The following GRIK2 variants were observed in gnomAD, a reference collection of about 807,000 sequenced individuals.
GRIK2 encodes glutamate receptor ionotropic, kainate 2.
GRIK2 carries 32 observed loss-of-function variants against 100.3 expected under a neutral mutation model. That is an observed-to-expected ratio of 0.32 (90% CI 0.24 to 0.43). The LOEUF (loss-of-function observed/expected upper bound fraction) is 0.43. GRIK2 is among the 20% of genes least tolerant of loss of function. GRIK2 has a pLI of 1.00. For synonymous variants in GRIK2, 417 were observed against 389.4 expected (o/e 1.07, Z -0.83); for missense variants, 843 against 1,114.9 (o/e 0.76, Z 3.47).
intron 7 of GRIK2, among the ~76,000 whole-genome samples, chr6:101,760,879 C>A (rs1200921656): frequency 1.3e-5 from 2 of 150,530 alleles, no homozygotes; most frequent in Admixed American, 6.7e-5. Context: ...ATTAATTTTT[C>A]ATCTCTTGAC....
At chr6:101,898,122 T>A (rs878885589) in intron 12 of GRIK2, among the ~76,000 whole-genome samples, 2 of 151,906 alleles carry the variant, frequency 1.3e-5, no homozygotes, top group Admixed American at 6.6e-5. Flanking sequence ...TTTTATGATA[T>A]GATTTAAGGA....
At chr6:102,049,087 TC>T (rs1771044726) in intron 15 of GRIK2, among the ~76,000 whole-genome samples, 1 of 152,150 alleles carries the variant, frequency 6.6e-6, no homozygotes, top group Admixed American at 6.5e-5. Flanking sequence ...ATAACTCTTG[TC>T]CCACAAAATT....
intron 5 of GRIK2, among the ~76,000 whole-genome samples, chr6:101,678,867 A>G (rs1771036587): frequency 6.6e-6 from 1 of 152,174 alleles, no homozygotes. Context: ...ATTTAAACTG[A>G]TTGAGCTTTT....
intron 10 of GRIK2, among the ~76,000 whole-genome samples, chr6:101,836,437 G>A (rs915756912): frequency 4.0e-5 from 6 of 150,852 alleles, no homozygotes; most frequent in Non-Finnish European, 7.4e-5. Flanking sequence ...ATTTAAAAAC[G>A]TAAAATATCT....
At chr6:101,878,107 A>G (rs1416453230) in intron 11 of GRIK2, among the ~76,000 whole-genome samples, 1 of 146,644 alleles carries the variant, frequency 6.8e-6, no homozygotes, top group Non-Finnish European at 1.5e-5. Context: ...ATATTATATT[A>G]TATTATATTA....
intron 2 of GRIK2, among the ~76,000 whole-genome samples, chr6:101,538,436 TAA>T (rs1775824914): frequency 1.3e-5 from 2 of 151,846 alleles, no homozygotes; most frequent in African/African-American, 2.4e-5. Flanking sequence ...TACAAATAAG[TAA>T]AGTTTTAATT....
At chr6:101,596,372 G>A (rs148498805) in intron 2 of GRIK2, among the ~76,000 whole-genome samples, 1 of 151,536 alleles carries the variant, frequency 6.6e-6, no homozygotes, top group South Asian at 2.1e-4. Flanking sequence ...CTTCTAAGAA[G>A]TATCAGTTGT....
At chr6:101,940,449 A>T (rs1341342555) in intron 14 of GRIK2, among the ~76,000 whole-genome samples, 1 of 152,128 alleles carries the variant, frequency 6.6e-6, no homozygotes, top group Non-Finnish European at 1.5e-5. Flanking sequence ...AATAGTGGCT[A>T]ACCTGTTCCC....
chr6:101,889,292 TTAAAA>T (rs1257204956), intron 11 of GRIK2, among the ~76,000 whole-genome samples: 3 of 151,958 alleles, frequency 2.0e-5, no homozygotes, highest in East Asian at 1.9e-4. Flanking sequence ...TTTTTAAAGT[TTAAAA>T]TAAAAGCAAT....
intron 7 of GRIK2, among the ~76,000 whole-genome samples, chr6:101,795,535 G>T (rs1174439486): frequency 2.6e-5 from 4 of 152,228 alleles, no homozygotes; most frequent in African/African-American, 9.6e-5. Flanking sequence ...CTTCGGTTCA[G>T]TAGTGGCAGC....
chr6:101,764,332 T>C (rs1004931383), intron 7 of GRIK2, among the ~76,000 whole-genome samples: 2 of 152,122 alleles, frequency 1.3e-5, no homozygotes, highest in African/African-American at 4.8e-5. Flanking sequence ...CCGTGACATC[T>C]TCCTGAAACC....
At chr6:101,963,068 T>A (rs1792404925) in intron 14 of GRIK2, among the ~76,000 whole-genome samples, 1 of 151,246 alleles carries the variant, frequency 6.6e-6, no homozygotes, top group Non-Finnish European at 1.5e-5. Flanking sequence ...ATTGATATAG[T>A]TAAATTTACA....
intron 2 of GRIK2, among the ~76,000 whole-genome samples, chr6:101,603,795 A>G (rs1433441636): frequency 1.3e-5 from 2 of 151,808 alleles, no homozygotes; most frequent in East Asian, 3.9e-4. Context: ...ATATTTCATT[A>G]AAGAAGAGGC....
At position 101,926,210 on chromosome 6, in the gene GRIK2, T is replaced by G. The variant is rs868723608; in HGVS notation, c.1867+1491T>G. Among the ~76,000 whole-genome samples, 25 of 149,660 alleles carry G rather than the reference T, an allele frequency of 1.7e-4. No individual in the cohort carries two copies. In the Middle Eastern group the frequency reaches 0.014, roughly 83 times the overall value. On this transcript the variant is annotated intron_variant, in intron 13 of 16. Transcript: ENST00000369134. The stretch of plus-strand genomic sequence containing the variant: ...GGGTCCAAGGGTTTTTTTTTTTTTT[T>G]TTTTTTTTTCCCTTAGGCTTACTCT...
chr6:101,577,289 T>G (rs555916396), intron 2 of GRIK2, among the ~76,000 whole-genome samples: 7 of 152,206 alleles, frequency 4.6e-5, no homozygotes, highest in Admixed American at 4.6e-4. Flanking sequence ...TTTTTTTATT[T>G]GTTAGGTCAG....
intron 11 of GRIK2, among the ~76,000 whole-genome samples, chr6:101,863,668 G>A (rs948441079): frequency 3.9e-5 from 6 of 152,178 alleles, no homozygotes; most frequent in African/African-American, 1.4e-4. Context: ...GGAATACTGA[G>A]TACTCACATT....
chr6:101,895,132 G>T (rs1776231286), intron 12 of GRIK2, among the ~76,000 whole-genome samples: 1 of 151,732 alleles, frequency 6.6e-6, no homozygotes, highest in Non-Finnish European at 1.5e-5. Flanking sequence ...AGAGGAGAAA[G>T]TGTAAAGGAA....
At chr6:101,752,134 T>C (rs1373004821) in intron 7 of GRIK2, among the ~76,000 whole-genome samples, 3 of 152,214 alleles carry the variant, frequency 2.0e-5, no homozygotes. Context: ...TACAACACCT[T>C]ATATGTTAAT....
At chr6:101,659,390 A>G (rs188252251) in intron 4 of GRIK2, among the ~76,000 whole-genome samples, 1 of 152,260 alleles carries the variant, frequency 6.6e-6, no homozygotes, top group African/African-American at 2.4e-5. Context: ...TGGTACCAGT[A>G]CCGTGCTCTT....
Sources: allele counts gnomAD v4.1 joint callset (sites outside exome capture counted in the v4.1 genomes callset), GRCh38; gene constraint gnomAD v4.1.1; transcripts MANE v1.5; gene names NCBI Gene and HGNC (gene_info 2026-07-23, HGNC 2026-07-21).